The following DDX60 variants were observed in gnomAD, a reference collection of about 807,000 sequenced individuals.
The protein encoded by DDX60 is probable ATP-dependent RNA helicase DDX60.
DDX60 carries 165 observed loss-of-function variants against 212.8 expected under a neutral mutation model. That is an observed-to-expected ratio of 0.78 (90% CI 0.68 to 0.88). The LOEUF is 0.88. DDX60 is among the 40% of genes least tolerant of loss of function. DDX60 has a pLI of 0.00. For missense variants in DDX60, 1,905 were observed against 2,003.9 expected, an observed-to-expected ratio of 0.95 and a Z score of 0.94; for synonymous variants, 703 against 685.3, an observed-to-expected ratio of 1.03 and a Z score of -0.40.
At chr4:168,301,590 C>T (rs1382091054) in intron 6 of DDX60, among the ~76,000 whole-genome samples, 1 of 151,840 alleles carries the variant, frequency 6.6e-6, no homozygotes, top group Non-Finnish European at 1.5e-5. Flanking sequence ...CATAAATAAA[C>T]AAATAAATGG....
intron 4 of DDX60, among the ~76,000 whole-genome samples, chr4:168,307,306 A>T (rs547458758): frequency 6.6e-6 from 1 of 152,370 alleles, no homozygotes; most frequent in African/African-American, 2.4e-5. Context: ...ACCTTTAGGT[A>T]TAGGATTAGG....
chr4:168,236,066 G>T, intron 33 of DDX60, 186 bp downstream of exon 33: 2 of 474,608 alleles, frequency 4.2e-6, no homozygotes, highest in African/African-American at 2.1e-5. Flanking sequence ...TTAACTTTTT[G>T]GTAGATTTAC....
At position 168,276,021 on chromosome 4, in the gene DDX60, T is replaced by C. The variant is rs1192870550; in HGVS notation, c.2139A>G (p.Pro713=). The C allele has an allele frequency of 4.3e-6, 7 of 1,610,956 alleles. No individual in the cohort carries two copies. The highest frequency in any genetic ancestry group is 1.7e-5 in the Admixed American group (1 of 59,854). The stretch of plus-strand genomic sequence containing the variant: ...GCTATTCTGATAATATTACCTGGGC[T>C]GGATGTAAAGAACTTGCCAACTCAT... The part of the protein sequence containing the change: ...GFDELASSLH[P]AQDAENDVKV... Residue 713 remains proline (P), a synonymous_variant, in exon 15 of 38, where the codon CCA becomes CCG. Transcript: ENST00000393743.
intron 28 of DDX60, among the ~76,000 whole-genome samples, chr4:168,249,040 G>T (rs750098621): frequency 6.6e-6 from 1 of 152,172 alleles, no homozygotes; most frequent in African/African-American, 2.4e-5. Context: ...GATTACAGGC[G>T]TGAGCCACTG....
At position 168,279,627 on chromosome 4, in the gene DDX60, G is replaced by A. The variant is rs199755584; in HGVS notation, c.1978+708C>T. On this transcript the variant is annotated intron_variant, in intron 14 of 37. Coordinates refer to ENST00000393743, the MANE Select transcript of DDX60 (RefSeq NM_017631.6). ...TCCTGAGTGATATTCGAGACTTCCT[G>A]GGGATCAATGGAGAAGTTAGGAAAA... 6.6e-5 allele frequency among the ~76,000 whole-genome samples: 10 copies of A among 152,332 alleles called. No individual in the cohort carries two copies. The East Asian group carries it at 1.3e-3, about 21-fold the overall frequency.
intron 13 of DDX60, among the ~76,000 whole-genome samples, chr4:168,282,019 C>A (rs553101226): frequency 7.9e-5 from 12 of 152,068 alleles, no homozygotes; most frequent in East Asian, 1.9e-4. Context: ...ACAACAACAA[C>A]AAAAAAACTG....
At chr4:168,297,241 C>G (rs1175135932) in intron 6 of DDX60, among the ~76,000 whole-genome samples, 1 of 140,736 alleles carries the variant, frequency 7.1e-6, no homozygotes, top group Non-Finnish European at 1.5e-5. Flanking sequence ...ACTGATAAAC[C>G]AAAAACAGGG....
chr4:168,290,062 G>A (rs1079395), intron 8 of DDX60, among the ~76,000 whole-genome samples: 2 of 152,164 alleles, frequency 1.3e-5, no homozygotes, highest in African/African-American at 4.8e-5. Context: ...AGTTACATCT[G>A]TATTTTCTTA....
intron 5 of DDX60, among the ~76,000 whole-genome samples, chr4:168,303,028 C>T (rs1429484795): frequency 6.6e-6 from 1 of 151,970 alleles, no homozygotes; most frequent in African/African-American, 2.4e-5. Context: ...TTCAGCCGGG[C>T]TCGGTGGCTC....
chr4:168,281,032 T>A (rs1735569964), intron 13 of DDX60, among the ~76,000 whole-genome samples: 1 of 152,028 alleles, frequency 6.6e-6, no homozygotes, highest in South Asian at 2.1e-4. Context: ...CCCAGCTACT[T>A]GGGAGGCTGA....
chr4:168,257,647 G>A (rs1427550140), intron 25 of DDX60, among the ~76,000 whole-genome samples: 3 of 152,068 alleles, frequency 2.0e-5, no homozygotes, highest in Non-Finnish European at 4.4e-5. Flanking sequence ...AAAAACTCTT[G>A]TTCAAAGATC....
intron 26 of DDX60, among the ~76,000 whole-genome samples, chr4:168,255,095 A>G (rs1354572648): frequency 6.6e-6 from 1 of 152,186 alleles, no homozygotes; most frequent in Non-Finnish European, 1.5e-5. Context: ...CACCTCTGTG[A>G]TCATCCAGGC....
At chr4:168,277,893 G>A (rs1308212109) in intron 14 of DDX60, among the ~76,000 whole-genome samples, 2 of 150,600 alleles carry the variant, frequency 1.3e-5, no homozygotes, top group African/African-American at 2.4e-5. Flanking sequence ...ATTTTGAGTC[G>A]TGTGATGAAA....
At position 168,275,413 on chromosome 4, in the gene DDX60, A is replaced by C. The variant is rs769349473; in HGVS notation, c.2236T>G (p.Tyr746Asp). 6.2e-7 allele frequency: 1 copy of C among 1,613,018 alleles called. No individual in the cohort carries two copies. The highest frequency in any genetic ancestry group is 8.5e-7 in the Non-Finnish European group (1 of 1,179,494). The change falls in exon 16 of 38, where the codon TAT (tyrosine) becomes GAT (aspartate). Residue 746 changes from tyrosine (Y) to aspartate (D), a missense_variant. Coordinates refer to ENST00000393743, the MANE Select transcript of DDX60 (RefSeq NM_017631.6). The part of the protein sequence containing the change: ...ARFQLQYMGH[Y>D]LIRDERKDPD... ...TCTTTTCTCTCATCTCGTATCAAAT[A>C]ATGGCCCATGTATTGCAGTTGGAAC...
intron 14 of DDX60, among the ~76,000 whole-genome samples, chr4:168,277,909 C>T (rs1735420157): frequency 6.6e-6 from 1 of 151,932 alleles, no homozygotes; most frequent in African/African-American, 2.4e-5. Flanking sequence ...TGAAATCTCG[C>T]ACCATCTCAC....
At chr4:168,218,959 G>T (rs1262158929) in intron 37 of DDX60, among the ~76,000 whole-genome samples, 4 of 152,052 alleles carry the variant, frequency 2.6e-5, no homozygotes, top group African/African-American at 9.7e-5. Flanking sequence ...ACACATGTAA[G>T]AATTTTTTTA....
intron 7 of DDX60, 139 bp from the exon 8 acceptor site, chr4:168,292,045 CTTTCTTTT>C (rs1253957048): frequency 2.4e-5 from 10 of 415,650 alleles, no homozygotes; most frequent in South Asian, 6.4e-5. Context: ...TTCTTTCTTT[CTTTCTTTT>C]TTTTTTTTTT....
chr4:168,270,380 C>G (rs1735036370), intron 19 of DDX60, among the ~76,000 whole-genome samples: 1 of 152,222 alleles, frequency 6.6e-6, no homozygotes, highest in Admixed American at 6.5e-5. Context: ...CCCATCTGGG[C>G]TTGTACTGGT....
intron 6 of DDX60, among the ~76,000 whole-genome samples, chr4:168,296,014 G>A (rs1026616931): frequency 3.9e-5 from 6 of 152,118 alleles, no homozygotes; most frequent in African/African-American, 9.7e-5. Flanking sequence ...GGGGAGAAAC[G>A]GAGACTTGCT....
Sources: allele counts gnomAD v4.1 joint callset (sites outside exome capture counted in the v4.1 genomes callset), GRCh38; gene constraint gnomAD v4.1.1; transcripts MANE v1.5; gene names NCBI Gene and HGNC (gene_info 2026-07-23, HGNC 2026-07-21).